The following MRC1 variants were observed in gnomAD, a reference collection of about 807,000 sequenced individuals.
MRC1 encodes the protein mannose receptor C-type 1.
Under a neutral mutation model 102.9 loss-of-function variants are expected in MRC1, and 62 were observed. The ratio of observed to expected loss-of-function variants is 0.60; its 90% CI spans 0.49 to 0.74. The LOEUF (loss-of-function observed/expected upper bound fraction) is 0.74, where lower values mean the gene tolerates loss of function less well. Ranked by LOEUF, MRC1 falls within the 30% of genes least tolerant of loss-of-function variation. The pLI, the probability that MRC1 is intolerant of heterozygous loss-of-function variation, is 0.00. For missense variants in MRC1, 1,237 were observed against 862.8 expected (o/e 1.43, Z -5.43); for synonymous variants, 457 against 298.4 (o/e 1.53, Z -5.48).
chr10:17,861,575 C>T, intron 10 of MRC1, 73 bp downstream of exon 10: 1 of 762,782 alleles, frequency 1.3e-6, no homozygotes, highest in East Asian at 2.5e-5. Context: ...CAAGTATCAA[C>T]ATGCTCTAAA....
intron 22 of MRC1, among the ~76,000 whole-genome samples, chr10:17,890,281 T>G (rs1484466934): frequency 2.0e-5 from 3 of 152,096 alleles, no homozygotes; most frequent in Admixed American, 2.0e-4. Context: ...GCAGTTTGAG[T>G]GTGATGTGTT....
intron 1 of MRC1, among the ~76,000 whole-genome samples, chr10:17,821,233 A>T (rs921535374): frequency 3.3e-5 from 5 of 152,140 alleles, no homozygotes; most frequent in African/African-American, 1.2e-4. Flanking sequence ...CAGCGAGAGT[A>T]AGTCTTACTC....
intron 3 of MRC1, among the ~76,000 whole-genome samples, chr10:17,830,537 T>G (rs1402787897): frequency 1.3e-5 from 2 of 151,410 alleles, no homozygotes; most frequent in South Asian, 4.1e-4. Context: ...CCATTGTCCG[T>G]TGCATTGTTT....
intron 11 of MRC1, 25 bp from the exon 12 acceptor site, chr10:17,866,537 A>G: frequency 1.3e-6 from 1 of 780,824 alleles, no homozygotes; most frequent in Non-Finnish European, 2.4e-6. Context: ...TGTCAAGTGA[A>G]TTCTACTTCA....
chr10:17,884,399 C>A (rs1361090274), intron 21 of MRC1, among the ~76,000 whole-genome samples: 1 of 152,172 alleles, frequency 6.6e-6, no homozygotes, highest in Non-Finnish European at 1.5e-5. Context: ...TTTGGTTTGG[C>A]AATCTGAGAT....
chr10:17,832,975 T>G (rs894858136), intron 3 of MRC1, among the ~76,000 whole-genome samples: 3 of 152,168 alleles, frequency 2.0e-5, no homozygotes, highest in Admixed American at 6.5e-5. Context: ...GTACCCGAAC[T>G]GTGAACATTG....
At chr10:17,899,782 T>A (rs1833803494) in intron 24 of MRC1, among the ~76,000 whole-genome samples, 1 of 152,156 alleles carries the variant, frequency 6.6e-6, no homozygotes, top group South Asian at 2.1e-4. Context: ...ATCATAAATT[T>A]GTTTCACTAA....
At chr10:17,877,504 T>C (rs1279196715) in intron 17 of MRC1, among the ~76,000 whole-genome samples, 1 of 151,070 alleles carries the variant, frequency 6.6e-6, no homozygotes, top group Non-Finnish European at 1.5e-5. Flanking sequence ...TCATTTTACA[T>C]ATAACTGATT....
intron 28 of MRC1, among the ~76,000 whole-genome samples, chr10:17,908,713 C>T (rs1399831352): frequency 7.2e-5 from 11 of 151,976 alleles, no homozygotes; most frequent in African/African-American, 2.4e-4. Flanking sequence ...GGATTACAGG[C>T]GCACGCCACT....
intron 1 of MRC1, among the ~76,000 whole-genome samples, chr10:17,819,773 G>A (rs920478411): frequency 5.9e-5 from 9 of 152,136 alleles, no homozygotes; most frequent in Admixed American, 1.3e-4. Context: ...TGACACCCCT[G>A]TCTCCAGTAA....
In MRC1 at chr10:17,881,177, G is replaced by T. The variant is rs1166217060; in HGVS notation, c.2976G>T (p.Glu992Asp). The T allele has an allele frequency of 1.3e-5, 10 of 780,084 alleles. No homozygotes were observed. Among genetic ancestry groups the T allele is most frequent in the Non-Finnish European group, 2.4e-5 (10 of 417,832 alleles). The allele number at this position is 780,084 out of a possible 1,614,324, so 48.3% of individuals were successfully genotyped here. A position where few individuals can be genotyped will look rare whatever the true frequency, so the allele number is the denominator to read the frequency against. Residue 992 changes from glutamate (E) to aspartate (D), a missense_variant, in exon 21 of 30, where the codon GAG becomes GAT. Glu to Asp is a conservative substitution (Grantham distance 45, BLOSUM62 2). Transcript: ENST00000569591. ...TGGTCTCCATACAAAATGAAAAAGA[G>T]CAAGGTAGGCAGGCCATTTTGCAAT... The part of the protein sequence containing the change: ...GNLVSIQNEK[E>D]QAFLTYHMKD...
intron 4 of MRC1, among the ~76,000 whole-genome samples, chr10:17,837,761 T>G (rs1838690755): frequency 6.6e-6 from 1 of 151,980 alleles, no homozygotes. Flanking sequence ...CCACCAAGCC[T>G]GGCTAATTTT....
intron 17 of MRC1, among the ~76,000 whole-genome samples, chr10:17,876,829 A>G (rs1833443818): frequency 6.6e-6 from 1 of 152,158 alleles, no homozygotes; most frequent in Admixed American, 6.6e-5. Context: ...CTATCACTGA[A>G]GGTATAATTT....
At chr10:17,892,484 G>C (rs1197853486) in intron 22 of MRC1, among the ~76,000 whole-genome samples, 5 of 152,066 alleles carry the variant, frequency 3.3e-5, no homozygotes, top group Non-Finnish European at 7.4e-5. Flanking sequence ...TGTTTGTCTT[G>C]TGACCTCCAT....
chr10:17,843,921 A>G (rs1223067375), intron 5 of MRC1, among the ~76,000 whole-genome samples: 1 of 152,142 alleles, frequency 6.6e-6, no homozygotes, highest in Non-Finnish European at 1.5e-5. Flanking sequence ...TATTAACAGA[A>G]TGTGGCTCAT....
chr10:17,885,806 A>G (rs1362921763), intron 22 of MRC1, among the ~76,000 whole-genome samples: 1 of 151,392 alleles, frequency 6.6e-6, no homozygotes, highest in Non-Finnish European at 1.5e-5. Context: ...GCTTCTAAAG[A>G]TCATATGATC....
chr10:17,873,118 A>T (rs1833377571), intron 15 of MRC1, among the ~76,000 whole-genome samples: 3 of 152,194 alleles, frequency 2.0e-5, no homozygotes. Flanking sequence ...ATTAACCCAA[A>T]AGCTAGGTAA....
chr10:17,843,068 T>C (rs1838774202), intron 5 of MRC1, among the ~76,000 whole-genome samples: 1 of 152,232 alleles, frequency 6.6e-6, no homozygotes. Flanking sequence ...ATGTTTTGCA[T>C]AAATGATGTA....
chr10:17,848,534 T>C (rs1360768812), intron 6 of MRC1, among the ~76,000 whole-genome samples: 1 of 152,188 alleles, frequency 6.6e-6, no homozygotes, highest in Non-Finnish European at 1.5e-5. Context: ...GTAGCGAGGC[T>C]GAGGATGTTG....
Sources: allele counts gnomAD v4.1 joint callset (sites outside exome capture counted in the v4.1 genomes callset), GRCh38; gene constraint gnomAD v4.1.1; transcripts MANE v1.5; gene names NCBI Gene and HGNC (gene_info 2026-07-23, HGNC 2026-07-21).